The following SNRPD2 variants were observed in gnomAD, a reference collection of about 807,000 sequenced individuals.
SNRPD2 encodes the protein small nuclear ribonucleoprotein D2 polypeptide, also known as small nuclear ribonucleoprotein Sm D2.
SNRPD2 carries 1 observed loss-of-function variant against 11.5 expected under a neutral mutation model. The observed-to-expected ratio is 0.09, with a 90% CI of 0.03 to 0.41. The LOEUF (loss-of-function observed/expected upper bound fraction) is 0.41. SNRPD2 is among the 10% of genes least tolerant of loss of function. The pLI, the probability that SNRPD2 is intolerant of heterozygous loss-of-function variation, is 0.98. For synonymous variants in SNRPD2, 63 were observed against 61.5 expected (o/e 1.02, Z -0.12); for missense variants, 77 against 154.9 (o/e 0.50, Z 2.67).
chr19:45,690,286 T>G (rs1308127749), intron 1 of SNRPD2, among the ~76,000 whole-genome samples: 1 of 137,094 alleles, frequency 7.3e-6, no homozygotes, highest in Non-Finnish European at 1.5e-5. Flanking sequence ...GAGCCGAGAT[T>G]GCGCCACTGC....
chr19:45,692,026 C>T (rs1967575478), upstream of SNRPD2: 15 of 1,598,392 alleles, frequency 9.4e-6, no homozygotes, highest in African/African-American at 1.3e-5. Context: ...GGAGGCGTGG[C>T]CTGTTGCCAC....
At position 45,687,759 on chromosome 19, in the gene SNRPD2, C is replaced by T. The variant is rs376193480; in HGVS notation, c.183-32G>A. The T allele has an allele frequency of 1.1e-5, 17 of 1,574,534 alleles. No individual in the cohort carries two copies. Among genetic ancestry groups the T allele is most frequent in the Middle Eastern group, 2.1e-4 (1 of 4,654 alleles). On this transcript the variant is annotated intron_variant, in intron 2 of 2. Coordinates refer to ENST00000342669, the MANE Select transcript of SNRPD2 (RefSeq NM_001384647.1). The surrounding 1 kb of genome is among the most constrained non-coding windows in gnomAD (Gnocchi z 4.1). ...GGGAACAGGGAGGGGAGGCACTGGG[C>T]GTGAGGGGCGTGCCTCTGACAGTGC...
At chr19:45,691,789 C>G (rs1967563523) in intron 1 of SNRPD2, 98 bp downstream of exon 1, 1 of 1,441,334 alleles carries the variant, frequency 6.9e-7, no homozygotes, top group Admixed American at 1.7e-5. Flanking sequence ...AAACATCTGC[C>G]CCTGCCCCCC....
At position 45,687,756 on chromosome 19, in the gene SNRPD2, G is replaced by A. The variant is rs1967447747; in HGVS notation, c.183-29C>T. 3.2e-6 allele frequency: 5 copies of A among 1,568,880 alleles called. No homozygotes were observed. The East Asian group carries it at 1.1e-4, about 35-fold the overall frequency. On this transcript the variant is annotated intron_variant, in intron 2 of 2. Coordinates refer to ENST00000342669, the MANE Select transcript of SNRPD2 (RefSeq NM_001384647.1). This position sits in a 1 kb window ranked among gnomAD's most constrained non-coding sequence, Gnocchi z 4.1. ...GTGGGGAACAGGGAGGGGAGGCACTGGGCGTGAGGGGCGTGCCTCTGACAG... is the reference window on the plus strand; with the variant it reads ...GTGGGGAACAGGGAGGGGAGGCACTAGGCGTGAGGGGCGTGCCTCTGACAG...
chr19:45,691,267 A>G, intron 1 of SNRPD2: 1 of 152,260 alleles, frequency 6.6e-6, no homozygotes, highest in East Asian at 1.9e-4. Context: ...AATAGCTGCA[A>G]TTACAGGCGC....
At chr19:45,689,699 G>A (rs1007639025) in intron 1 of SNRPD2, among the ~76,000 whole-genome samples, 5 of 152,058 alleles carry the variant, frequency 3.3e-5, no homozygotes, top group South Asian at 2.1e-4. Context: ...GTGACAGAGC[G>A]AGACTCTTGT....
In SNRPD2 at chr19:45,691,801, C is replaced by CG. The variant is rs397937545; in HGVS notation, c.2+85dup. On this transcript the variant is annotated intron_variant, in intron 1 of 2. Coordinates refer to ENST00000342669, the MANE Select transcript of SNRPD2 (RefSeq NM_001384647.1). Reference sequence around the variant, plus strand: ...CTAAAACATCTGCCCCTGCCCCCCCCGCTCTGCTCAACCCTTCCCACACTC... The same window carrying CG: ...CTAAAACATCTGCCCCTGCCCCCCCCGGCTCTGCTCAACCCTTCCCACACTC... 6 of 1,533,124 alleles carry CG rather than the reference C, an allele frequency of 3.9e-6. No individual in the cohort carries two copies. In the Admixed American group the frequency reaches 8.4e-5, roughly 21 times the overall value. 95.0% of individuals were successfully genotyped at this position (1,533,124 alleles called of 1,614,324 possible). A position where few individuals can be genotyped will look rare whatever the true frequency, so the allele number is the denominator to read the frequency against.
In SNRPD2 at chr19:45,687,530, T is replaced by C. The variant is rs1967440250; in HGVS notation, c.*23A>G. The C allele has an allele frequency of 6.2e-7, 1 of 1,609,688 alleles. No individual in the cohort carries two copies. Among genetic ancestry groups the C allele is most frequent in the Non-Finnish European group, 8.5e-7 (1 of 1,176,230 alleles). On this transcript the variant is annotated 3_prime_UTR_variant, in exon 3 of 3. Transcript: ENST00000342669. The surrounding 1 kb of genome is among the most constrained non-coding windows in gnomAD (Gnocchi z 4.1). The stretch of plus-strand genomic sequence containing the variant: ...GGTCTTCATAGGACAGAGGAGTGAG[T>C]TCTGTCAACAGACAGGCGGCCCCTA...
In SNRPD2 at chr19:45,691,912, A is replaced by G; in HGVS notation, c.-24T>C. 9 of 1,613,768 alleles carry G rather than the reference A, an allele frequency of 5.6e-6. No individual in the cohort carries two copies. The highest frequency in any genetic ancestry group is 1.1e-5 in the South Asian group (1 of 91,076). On this transcript the variant is annotated 5_prime_UTR_variant, in exon 1 of 3. Coordinates refer to ENST00000342669, the MANE Select transcript of SNRPD2 (RefSeq NM_001384647.1). ...ATGATGGTCACTACGCTCTCCGTTCACTCCCGTTTCCTCCGCGTTGCTGCT... is the reference window on the plus strand; with the variant it reads ...ATGATGGTCACTACGCTCTCCGTTCGCTCCCGTTTCCTCCGCGTTGCTGCT...
At position 45,687,462 on chromosome 19, in the gene SNRPD2, G is replaced by A. The variant is rs973463648; in HGVS notation, c.*91C>T. ...AAGGCTCTGGAAACAGATACCACTA[G>A]AAAAAAACACAGAGCTTTATTATTC... is the stretch of plus-strand genomic sequence containing the variant. On this transcript the variant is annotated 3_prime_UTR_variant, in exon 3 of 3. Transcript: ENST00000342669. This position sits in a 1 kb window ranked among gnomAD's most constrained non-coding sequence, Gnocchi z 4.1. 3 of 1,299,822 alleles carry A rather than the reference G, an allele frequency of 2.3e-6. No individual in the cohort carries two copies. The highest frequency in any genetic ancestry group is 1.5e-5 in the African/African-American group (1 of 68,440). 80.5% of individuals were successfully genotyped at this position (1,299,822 alleles called of 1,614,324 possible). A position where few individuals can be genotyped will look rare whatever the true frequency, so the allele number is the denominator to read the frequency against.
At chr19:45,689,041 T>G (rs1967475609) in intron 1 of SNRPD2, among the ~76,000 whole-genome samples, 2 of 152,124 alleles carry the variant, frequency 1.3e-5, no homozygotes, top group Non-Finnish European at 2.9e-5. Flanking sequence ...CCAGACATTT[T>G]CAACTCTGCA....
At chr19:45,691,553 T>TTTTTG in intron 1 of SNRPD2, 1 of 282,858 alleles carries the variant, frequency 3.5e-6, no homozygotes, top group Non-Finnish European at 6.6e-6. Context: ...TTTTTTTTTG[T>TTTTTG]AGAGACGGGG....
Position 45,687,548 on chromosome 19 carries a change from G to A in SNRPD2, c.*5C>T, listed in dbSNP as rs1802704. 18 of 1,613,538 alleles carry A rather than the reference G, an allele frequency of 1.1e-5. No homozygotes were observed. Among genetic ancestry groups the A allele is most frequent in the African/African-American group, 9.3e-5 (7 of 74,928 alleles). ...GAGTGAGTTCTGTCAACAGACAGGCGGCCCCTACTTGCCGGCGATGAGCGG... is the reference window on the plus strand; with the variant it reads ...GAGTGAGTTCTGTCAACAGACAGGCAGCCCCTACTTGCCGGCGATGAGCGG... On this transcript the variant is annotated 3_prime_UTR_variant, in exon 3 of 3. Transcript: ENST00000342669. This position sits in a 1 kb window ranked among gnomAD's most constrained non-coding sequence, Gnocchi z 4.1.
chr19:45,690,224 G>C (rs574346311), intron 1 of SNRPD2, among the ~76,000 whole-genome samples: 3,546 of 150,214 alleles, frequency 0.024, 58 homozygotes, highest in Non-Finnish European at 0.033. Context: ...CCAGCTACTC[G>C]GGAGGCTGAG....
Position 45,687,754 on chromosome 19 carries a change from C to G in SNRPD2, c.183-27G>C, listed in dbSNP as rs775640568. 6.2e-7 allele frequency: 1 copy of G among 1,602,862 alleles called. No individual in the cohort carries two copies. Among genetic ancestry groups the G allele is most frequent in the Non-Finnish European group, 8.5e-7 (1 of 1,171,812 alleles). The stretch of plus-strand genomic sequence containing the variant: ...TGGTGGGGAACAGGGAGGGGAGGCA[C>G]TGGGCGTGAGGGGCGTGCCTCTGAC... On this transcript the variant is annotated intron_variant, in intron 2 of 2. Coordinates refer to ENST00000342669, the MANE Select transcript of SNRPD2 (RefSeq NM_001384647.1). The surrounding 1 kb of genome is among the most constrained non-coding windows in gnomAD (Gnocchi z 4.1).
intron 1 of SNRPD2, chr19:45,690,553 C>G (rs1057496174): frequency 1.3e-5 from 2 of 151,876 alleles, no homozygotes; most frequent in African/African-American, 4.8e-5. Context: ...AAACCCCGAC[C>G]AGACACGGTG....
intron 1 of SNRPD2, among the ~76,000 whole-genome samples, chr19:45,689,643 C>G (rs568082455): frequency 6.6e-6 from 1 of 152,298 alleles, no homozygotes; most frequent in African/African-American, 2.4e-5. Context: ...CTCAGAGAGT[C>G]GGAGGTTGCA....
intron 1 of SNRPD2, among the ~76,000 whole-genome samples, chr19:45,689,876 A>G (rs887700754): frequency 6.6e-6 from 1 of 151,942 alleles, no homozygotes; most frequent in African/African-American, 2.4e-5. Context: ...CTCTTCTAAA[A>G]ATGCAAACAA....
chr19:45,690,851 A>G (rs1395620474), intron 1 of SNRPD2, among the ~76,000 whole-genome samples: 1 of 151,928 alleles, frequency 6.6e-6, no homozygotes, highest in Non-Finnish European at 1.5e-5. Flanking sequence ...AAAAAAAAGA[A>G]AAAGAGAAAA....
Sources: allele counts gnomAD v4.1 joint callset (sites outside exome capture counted in the v4.1 genomes callset), GRCh38; gene constraint gnomAD v4.1.1; non-coding constraint Gnocchi (gnomAD v3.1); transcripts MANE v1.5; gene names NCBI Gene and HGNC (gene_info 2026-07-23, HGNC 2026-07-21).